The following CFAP44 variants were observed in gnomAD, a reference collection of about 807,000 sequenced individuals.
CFAP44 encodes the protein cilia and flagella associated protein 44.
In CFAP44, 134 loss-of-function variants were observed where a neutral mutation model predicts 216.2. The ratio of observed to expected loss-of-function variants is 0.62; its 90% CI spans 0.54 to 0.72. The LOEUF is 0.72. Ranked by LOEUF, CFAP44 falls within the 30% of genes least tolerant of loss-of-function variation. The probability of loss-of-function intolerance (pLI) is 0.00; values close to 1 mark genes in which losing one functional copy is unlikely to be tolerated. For synonymous variants in CFAP44, 700 were observed against 727.6 expected (o/e 0.96, Z 0.61); for missense variants, 2,035 against 2,182.1 (o/e 0.93, Z 1.34).
Position 113,291,704 on chromosome 3 carries a change from T to C in CFAP44, c.5418A>G (p.Arg1806=), listed in dbSNP as rs369806513. The stretch of plus-strand genomic sequence containing the variant: ...GTTGGATCAATTCAGTGACCTCCTC[T>C]CTTGCCACAACATCTGCTTCCCGAG... The part of the protein sequence containing the change: ...QGPREADVVA[R]EEVTELIQLQ... The change falls in exon 35 of 35, where the codon AGA becomes AGG. Residue 1806 remains arginine, a synonymous_variant. Transcript: ENST00000393845. The C allele has an allele frequency of 2.6e-3, 3,926 of 1,536,908 alleles. 8 individuals carry two copies. Among genetic ancestry groups the C allele is most frequent in the Non-Finnish European group, 2.8e-3 (3,248 of 1,146,964 alleles).
intron 28 of CFAP44, among the ~76,000 whole-genome samples, chr3:113,311,791 G>A (rs1950041097): frequency 6.6e-6 from 1 of 152,140 alleles, no homozygotes; most frequent in Non-Finnish European, 1.5e-5. Flanking sequence ...GAATGACTTT[G>A]ACCAAAAGTC....
chr3:113,369,007 T>A (rs1003949393), intron 18 of CFAP44, among the ~76,000 whole-genome samples: 3 of 152,026 alleles, frequency 2.0e-5, no homozygotes, highest in African/African-American at 7.2e-5. Context: ...TACATAATGG[T>A]AAAGGGATCA....
rs1949826811 is a variant in CFAP44 at position 113,291,328 on chromosome 3, C to T, written c.*229G>A. 8 of 461,734 alleles carry T rather than the reference C, an allele frequency of 1.7e-5. No individual in the cohort carries two copies. Among genetic ancestry groups the T allele is most frequent in the East Asian group, 3.4e-5 (1 of 29,710 alleles). The allele number at this position is 461,734 out of a possible 1,614,324, so 28.6% of individuals were successfully genotyped here. A position where few individuals can be genotyped will look rare whatever the true frequency, so the allele number is the denominator to read the frequency against. ...GACTTCATATTCAATCTAGTAGGTT[C>T]GAAACATCTAAAATGATTCAGTTTC... On this transcript the variant is annotated 3_prime_UTR_variant, in exon 35 of 35. Coordinates refer to ENST00000393845, the MANE Select transcript of CFAP44 (RefSeq NM_001164496.2).
intron 27 of CFAP44, 74 bp from the exon 28 acceptor site, chr3:113,326,714 A>G (rs3732809): frequency 0.15 from 126,094 of 862,504 alleles, 9,291 homozygotes; most frequent in Non-Finnish European, 0.16. Context: ...GTACTTTACA[A>G]TACAAGGTTA....
intron 15 of CFAP44, among the ~76,000 whole-genome samples, chr3:113,395,343 T>C (rs1052521347): frequency 1.3e-5 from 2 of 151,984 alleles, no homozygotes; most frequent in African/African-American, 4.8e-5. Context: ...AGAGGAGAAG[T>C]AAAGAGATAA....
rs551671649 is a variant in CFAP44, at chr3:113,320,210, G to C, written c.4516+6235C>G. On this transcript the variant is annotated intron_variant, in intron 28 of 34. Transcript: ENST00000393845. ...TCTACTGAAACTATTCCAGAAAATT[G>C]AGGAGGTATATTAGTCTCTCTCTCT... is the stretch of plus-strand genomic sequence containing the variant. Among the ~76,000 whole-genome samples, 14 of 151,030 alleles carry C rather than the reference G, an allele frequency of 9.3e-5. No individual in the cohort carries two copies. In the East Asian group the frequency reaches 2.5e-3, roughly 27 times the overall value.
At chr3:113,366,416 G>GA in intron 18 of CFAP44, 107 bp from the exon 19 acceptor site, 1 of 1,328,868 alleles carries the variant, frequency 7.5e-7, no homozygotes, top group Non-Finnish European at 1.0e-6. Flanking sequence ...GTTATGGACT[G>GA]AATTGTACAC....
At chr3:113,372,166 T>C (rs752145184) in intron 18 of CFAP44, among the ~76,000 whole-genome samples, 92 of 152,238 alleles carry the variant, frequency 6.0e-4, no homozygotes, top group Non-Finnish European at 9.8e-4. Flanking sequence ...TGGAAGACAG[T>C]GTGGCGATTC....
chr3:113,398,069 G>T (rs1934038069), intron 13 of CFAP44, among the ~76,000 whole-genome samples: 1 of 152,102 alleles, frequency 6.6e-6, no homozygotes, highest in Admixed American at 6.6e-5. Context: ...GAATAAAAAA[G>T]CTGTACACCA....
rs566639198 is a variant in CFAP44 at position 113,296,108 on chromosome 3, A to G, written c.5238+617T>C. Among the ~76,000 whole-genome samples the G allele has an allele frequency of 7.0e-4, 107 of 152,224 alleles. 1 individual carries two copies. In the Middle Eastern group the frequency reaches 0.02, roughly 29 times the overall value. On this transcript the variant is annotated intron_variant, in intron 33 of 34. Coordinates refer to ENST00000393845, the MANE Select transcript of CFAP44 (RefSeq NM_001164496.2). Reference sequence around the variant, plus strand: ...TTATTATTTTCATCTTTATGTCCACATGTACCCATTGTTTAGCTCCCACTT... The same window carrying G: ...TTATTATTTTCATCTTTATGTCCACGTGTACCCATTGTTTAGCTCCCACTT...
rs1950229913 is a variant in CFAP44 at position 113,330,377 on chromosome 3, C to A, written c.3907G>T (p.Val1303Phe). 1 of 1,537,354 alleles carries A rather than the reference C, an allele frequency of 6.5e-7. No homozygotes were observed. Among genetic ancestry groups the A allele is most frequent in the Non-Finnish European group, 8.7e-7 (1 of 1,146,914 alleles). Residue 1303 changes from valine to phenylalanine, a missense_variant, in exon 26 of 35, where the codon GTT becomes TTT. This residue lies in a region of CFAP44 where 1,883 missense variants were observed against 2,023.7 expected (regional missense o/e 0.93). Transcript: ENST00000393845. ...GVEQTGSGGP[V>F]GGFLKLSSRK... ...GAAGAGAGTTTGAGGAATCCTCCAACTGGGCCTCCAGACCCTGTCTGTTCC... is the reference window on the plus strand; with the variant it reads ...GAAGAGAGTTTGAGGAATCCTCCAAATGGGCCTCCAGACCCTGTCTGTTCC...
intron 17 of CFAP44, 76 bp downstream of exon 17, chr3:113,379,230 A>C: frequency 9.2e-7 from 1 of 1,085,776 alleles, no homozygotes. Flanking sequence ...CATAAGAGTA[A>C]GAAAGAATGA....
chr3:113,298,642 ATAT>A (rs1383797082), intron 32 of CFAP44, among the ~76,000 whole-genome samples: 1 of 152,264 alleles, frequency 6.6e-6, no homozygotes, highest in African/African-American at 2.4e-5. Flanking sequence ...ATATAATGGA[ATAT>A]TATTTGCCTT....
Position 113,291,525 on chromosome 3 carries a change from A to T in CFAP44, c.*32T>A, listed in dbSNP as rs1949828464. On this transcript the variant is annotated 3_prime_UTR_variant, in exon 35 of 35. Coordinates refer to ENST00000393845, the MANE Select transcript of CFAP44 (RefSeq NM_001164496.2). Reference sequence around the variant, plus strand: ...CAGAACTTCCAGTGAGTTATGTCAGAAATCTTGTATGGGTTTGAGAAAATA... The same window carrying T: ...CAGAACTTCCAGTGAGTTATGTCAGTAATCTTGTATGGGTTTGAGAAAATA... 3 of 1,526,136 alleles carry T rather than the reference A, an allele frequency of 2.0e-6. No homozygotes were observed. The Admixed American group carries it at 5.9e-5, about 30-fold the overall frequency. 94.5% of individuals were successfully genotyped at this position (1,526,136 alleles called of 1,614,324 possible). A position where few individuals can be genotyped will look rare whatever the true frequency, so the allele number is the denominator to read the frequency against.
chr3:113,349,087 A>G (rs1208636323), intron 22 of CFAP44, among the ~76,000 whole-genome samples: 1 of 152,156 alleles, frequency 6.6e-6, no homozygotes, highest in African/African-American at 2.4e-5. Flanking sequence ...GGAGTTGCAA[A>G]TATCTGTTGA....
chr3:113,343,579 C>T (rs1576558139), intron 23 of CFAP44, among the ~76,000 whole-genome samples: 1 of 152,268 alleles, frequency 6.6e-6, no homozygotes, highest in East Asian at 1.9e-4. Context: ...ATTTAAGCTA[C>T]ATCCCCAAGA....
chr3:113,351,610 A>G (rs935997044), intron 22 of CFAP44, among the ~76,000 whole-genome samples: 1 of 152,172 alleles, frequency 6.6e-6, no homozygotes, highest in Admixed American at 6.5e-5. Context: ...TTAGGGGAAG[A>G]GTGTTGTTTT....
At chr3:113,403,770 A>G in intron 9 of CFAP44, 82 bp downstream of exon 9, 1 of 1,436,198 alleles carries the variant, frequency 7.0e-7, no homozygotes, top group African/African-American at 1.4e-5. Context: ...TCACAAAATA[A>G]CCTTTATGAG....
At chr3:113,300,975 C>T (rs554941259) in intron 32 of CFAP44, among the ~76,000 whole-genome samples, 6 of 152,046 alleles carry the variant, frequency 3.9e-5, no homozygotes, top group East Asian at 1.9e-4. Context: ...ATATGCCCTA[C>T]GACCCAGCTG....
Sources: allele counts gnomAD v4.1 joint callset (sites outside exome capture counted in the v4.1 genomes callset), GRCh38; gene constraint gnomAD v4.1.1; regional missense constraint gnomAD v4.1.1; transcripts MANE v1.5; gene names NCBI Gene and HGNC (gene_info 2026-07-23, HGNC 2026-07-21).